IGF2R: variants seen among roughly 807,000 people sequenced by gnomAD.
The protein encoded by IGF2R is cation-independent mannose-6-phosphate receptor.
Under a neutral mutation model 270.6 loss-of-function variants are expected in IGF2R, and 91 were observed. The observed-to-expected ratio is 0.34, with a 90% confidence interval of 0.28 to 0.40. The LOEUF (loss-of-function observed/expected upper bound fraction) is 0.40. Ranked by LOEUF, IGF2R falls within the 10% of genes least tolerant of loss-of-function variation. IGF2R has a pLI of 1.00. For missense variants in IGF2R, 2,805 were observed against 3,188.3 expected (o/e 0.88, Z 2.90); for synonymous variants, 1,316 against 1,258.9 (o/e 1.05, Z -0.96).
At chr6:160,042,581 A>T (rs1277256742) in intron 11 of IGF2R, among the ~76,000 whole-genome samples, 1 of 152,082 alleles carries the variant, frequency 6.6e-6, no homozygotes, top group Non-Finnish European at 1.5e-5. Flanking sequence ...TCAGTGTCTG[A>T]TCACACTGAC....
intron 1 of IGF2R, among the ~76,000 whole-genome samples, chr6:159,970,904 C>A (rs1255531792): frequency 6.6e-6 from 1 of 151,628 alleles, no homozygotes; most frequent in African/African-American, 2.4e-5. Flanking sequence ...ATGGCGAAAC[C>A]CCGTCTCTAC....
chr6:159,982,380 C>T (rs1044699335), intron 1 of IGF2R, among the ~76,000 whole-genome samples: 3 of 152,162 alleles, frequency 2.0e-5, no homozygotes, highest in African/African-American at 4.8e-5. Flanking sequence ...AGAGGACTTG[C>T]GTGCATGTCG....
At chr6:160,051,091 T>G (rs1778186263) in intron 19 of IGF2R, among the ~76,000 whole-genome samples, 2 of 152,128 alleles carry the variant, frequency 1.3e-5, no homozygotes, top group African/African-American at 4.8e-5. Context: ...GACATTAAAA[T>G]TTTGACGTGC....
intron 44 of IGF2R, 70 bp downstream of exon 44, chr6:160,090,173 A>G (rs1562375451): frequency 9.0e-7 from 1 of 1,107,508 alleles, no homozygotes; most frequent in Non-Finnish European, 1.2e-6. Flanking sequence ...ATTTTCAACT[A>G]ACTCCCTTCA....
At position 160,106,012 on chromosome 6, in the gene IGF2R, C is replaced by A. The variant is rs1779610372; in HGVS notation, c.*928C>A. The stretch of plus-strand genomic sequence containing the variant: ...TATAGGTCTCATCTCTTCAGGTTCT[C>A]ATGATACCACCTTTACTGTGCTTAT... On this transcript the variant is annotated 3_prime_UTR_variant, in exon 48 of 48. Coordinates refer to ENST00000356956, the MANE Select transcript of IGF2R (RefSeq NM_000876.4). The A allele has an allele frequency of 6.6e-6, 1 of 152,302 alleles. No homozygotes were observed. Among genetic ancestry groups the A allele is most frequent in the Non-Finnish European group, 1.5e-5 (1 of 68,052 alleles). 9.4% of individuals were successfully genotyped at this position (152,302 alleles called of 1,614,324 possible).
intron 18 of IGF2R, among the ~76,000 whole-genome samples, chr6:160,049,021 T>C (rs1413761283): frequency 6.6e-6 from 1 of 152,212 alleles, no homozygotes; most frequent in Admixed American, 6.5e-5. Context: ...TTTACCCGTC[T>C]CCTGTGGTCG....
intron 1 of IGF2R, among the ~76,000 whole-genome samples, chr6:159,980,109 A>G (rs1048620198): frequency 2.0e-5 from 3 of 151,830 alleles, no homozygotes; most frequent in Non-Finnish European, 4.4e-5. Context: ...TGAACCCGGG[A>G]GGCGGAGCTT....
chr6:160,062,726 C>A, intron 26 of IGF2R, 107 bp downstream of exon 26: 2 of 727,174 alleles, frequency 2.8e-6, no homozygotes, highest in Non-Finnish European at 4.6e-6. Context: ...TAGCTGGGGT[C>A]ATGAGACACA....
At chr6:159,987,044 T>G (rs1002127333) in intron 1 of IGF2R, among the ~76,000 whole-genome samples, 5 of 152,214 alleles carry the variant, frequency 3.3e-5, no homozygotes, top group Non-Finnish European at 2.9e-5. Context: ...AGTTCTATAA[T>G]GTGATCATGG....
At position 160,104,738 on chromosome 6, in the gene IGF2R, C is replaced by G. The variant is rs200822886; in HGVS notation, c.7130C>G (p.Pro2377Arg). The G allele has an allele frequency of 6.2e-7, 1 of 1,613,966 alleles. No homozygotes were observed. The highest frequency in any genetic ancestry group is 1.3e-5 in the African/African-American group (1 of 74,900). ...TEWLMEEIQLPPPRQGKEGQE... is the reference protein window; with the variant it reads ...TEWLMEEIQLRPPRQGKEGQE... ...TGGCTGATGGAAGAGATCCAGCTGCCTCCTCCACGGCAGGGAAAGGAAGGG... is the reference window on the plus strand; with the variant it reads ...TGGCTGATGGAAGAGATCCAGCTGCGTCCTCCACGGCAGGGAAAGGAAGGG... The change falls in exon 48 of 48, where the codon CCT becomes CGT. Residue 2377 changes from proline (P) to arginine (R), a missense_variant. Transcript: ENST00000356956.
intron 30 of IGF2R, among the ~76,000 whole-genome samples, chr6:160,068,798 A>G (rs540391836): frequency 6.6e-6 from 1 of 152,284 alleles, no homozygotes; most frequent in East Asian, 1.9e-4. Context: ...TTATCAGGGA[A>G]GATCAAGTAG....
rs1486340074 is a variant in IGF2R at position 160,106,162 on chromosome 6, G to C, written c.*1078G>C. 1 of 152,510 alleles carries C rather than the reference G, an allele frequency of 6.6e-6. No homozygotes were observed. The highest frequency in any genetic ancestry group is 1.5e-5 in the Non-Finnish European group (1 of 68,070). 9.4% of individuals were successfully genotyped at this position (152,510 alleles called of 1,614,324 possible). ...GAGCCTCGGCCCTAGCATTGCACTT[G>C]GCCTCATGCTGGAGGGAGGCTGGGC... On this transcript the variant is annotated 3_prime_UTR_variant, in exon 48 of 48. Coordinates refer to ENST00000356956, the MANE Select transcript of IGF2R (RefSeq NM_000876.4).
chr6:159,999,242 C>T (rs906481142), intron 2 of IGF2R, among the ~76,000 whole-genome samples: 10 of 152,122 alleles, frequency 6.6e-5, no homozygotes, highest in African/African-American at 2.2e-4. Context: ...GTTTTTTGAC[C>T]TAAGGGGAGG....
At chr6:160,074,575 A>G (rs7760552) in intron 35 of IGF2R, among the ~76,000 whole-genome samples, 46,795 of 152,160 alleles carry the variant, frequency 0.31, 7,731 homozygotes, top group East Asian at 0.43. Context: ...TGCCTGGCTT[A>G]CTAGCATGTT....
At chr6:160,088,958 T>C in intron 42 of IGF2R, 149 bp from the exon 43 acceptor site, 1 of 686,714 alleles carries the variant, frequency 1.5e-6, no homozygotes. Flanking sequence ...GCCCGGGGAG[T>C]GGGGGCCTCG....
At position 160,073,267 on chromosome 6, in the gene IGF2R, G is replaced by A. The variant is rs1212792411; in HGVS notation, c.4745G>A (p.Arg1582Lys). The A allele has an allele frequency of 1.9e-6, 3 of 1,614,274 alleles. No individual in the cohort carries two copies. The highest frequency in any genetic ancestry group is 2.2e-5 in the East Asian group (1 of 44,890). The change falls in exon 34 of 48, where the codon AGA (arginine) becomes AAA (lysine). Residue 1582 changes from arginine to lysine, a missense_variant. Physicochemically the swap from Arg to Lys is conservative, Grantham distance 26. Coordinates refer to ENST00000356956, the MANE Select transcript of IGF2R (RefSeq NM_000876.4). ...ISVGKANKRL[R>K]YVDQVLQLVY... ...GTGGGCAAGGCCAACAAGAGGCTGA[G>A]ATACGTGGACCAGGTCCTGCAGCTG...
rs932536388 is a variant in IGF2R at position 159,980,808 on chromosome 6, G to T, written c.150-10376G>T. Among the ~76,000 whole-genome samples the T allele has an allele frequency of 3.3e-5, 5 of 152,176 alleles. 1 individual carries two copies. Among genetic ancestry groups the T allele is most frequent in the Non-Finnish European group, 1.5e-5 (1 of 68,030 alleles). On this transcript the variant is annotated intron_variant, in intron 1 of 47. Coordinates refer to ENST00000356956, the MANE Select transcript of IGF2R (RefSeq NM_000876.4). The stretch of plus-strand genomic sequence containing the variant: ...CTGAACATTAAGGTCTGAATTCTGC[G>T]CTGGGGGCTGGATTGTCCTTAAAGG...
rs540146842 is a variant in IGF2R at position 160,089,363 on chromosome 6, G to A, written c.6467+110G>A. The A allele has an allele frequency of 2.5e-4, 245 of 972,492 alleles. 1 individual carries two copies. The South Asian group carries it at 3.2e-3, about 13-fold the overall frequency. 60.2% of individuals were successfully genotyped at this position (972,492 alleles called of 1,614,324 possible). A position where few individuals can be genotyped will look rare whatever the true frequency, so the allele number is the denominator to read the frequency against. Reference sequence around the variant, plus strand: ...GCAGGATAAATAGGTCTGTGTTTTAGTTACTGTTGCTGGAGTCATCGTCAT... The same window carrying A: ...GCAGGATAAATAGGTCTGTGTTTTAATTACTGTTGCTGGAGTCATCGTCAT... On this transcript the variant is annotated intron_variant, in intron 43 of 47. Coordinates refer to ENST00000356956, the MANE Select transcript of IGF2R (RefSeq NM_000876.4).
At chr6:160,055,134 C>T (rs551230675) in intron 19 of IGF2R, among the ~76,000 whole-genome samples, 15 of 152,156 alleles carry the variant, frequency 9.9e-5, no homozygotes, top group East Asian at 5.8e-4. Flanking sequence ...GAGCTTGGGC[C>T]GCCCACTTCT....
Sources: allele counts gnomAD v4.1 joint callset (sites outside exome capture counted in the v4.1 genomes callset), GRCh38; gene constraint gnomAD v4.1.1; transcripts MANE v1.5; gene names NCBI Gene and HGNC (gene_info 2026-07-23, HGNC 2026-07-21).